CEMIP: variants seen among roughly 807,000 people sequenced by gnomAD.
CEMIP encodes cell migration-inducing and hyaluronan-binding protein.
In CEMIP, 105 loss-of-function variants were observed where a neutral mutation model predicts 156.9. That is an observed-to-expected ratio of 0.67 (90% CI 0.57 to 0.79). The LOEUF (loss-of-function observed/expected upper bound fraction) is 0.79. CEMIP is among the 30% of genes least tolerant of loss of function. The pLI is 0.00. For missense variants in CEMIP, 1,457 were observed against 1,769.4 expected (o/e 0.82, Z 3.17); for synonymous variants, 676 against 668.4 (o/e 1.01, Z -0.17).
intron 3 of CEMIP, among the ~76,000 whole-genome samples, chr15:80,875,588 G>A (rs1490002282): frequency 6.6e-6 from 1 of 152,096 alleles, no homozygotes; most frequent in Non-Finnish European, 1.5e-5. Context: ...TCAGCTATGT[G>A]GAAAGGGGCT....
chr15:80,832,326 G>C (rs866358927), intron 1 of CEMIP, among the ~76,000 whole-genome samples: 3 of 142,102 alleles, frequency 2.1e-5, no homozygotes, highest in Non-Finnish European at 4.5e-5. Context: ...TAAACTCTGT[G>C]TGTGTGTGTG....
intron 28 of CEMIP, among the ~76,000 whole-genome samples, chr15:80,945,599 C>G (rs1231522128): frequency 6.6e-6 from 1 of 152,232 alleles, no homozygotes; most frequent in Non-Finnish European, 1.5e-5. Context: ...CCCTTCCCAT[C>G]TATCCTTATT....
chr15:80,800,761 C>T (rs1896355776), intron 1 of CEMIP, among the ~76,000 whole-genome samples: 1 of 152,188 alleles, frequency 6.6e-6, no homozygotes, highest in African/African-American at 2.4e-5. Context: ...CTCGCCATCT[C>T]TGTTCATATT....
chr15:80,832,572 T>C (rs754063825), intron 1 of CEMIP, among the ~76,000 whole-genome samples: 29 of 152,264 alleles, frequency 1.9e-4, no homozygotes, highest in Middle Eastern at 3.4e-3. Flanking sequence ...CACTCATACA[T>C]GTCAGGATTT....
intron 13 of CEMIP, 78 bp from the exon 14 acceptor site, chr15:80,909,019 C>T (rs940293426): frequency 3.8e-5 from 51 of 1,357,430 alleles, no homozygotes; most frequent in Non-Finnish European, 4.8e-5. Context: ...GCCTCTGCAT[C>T]TTTGGAATAT....
chr15:80,790,179 A>G (rs1404193333), intron 1 of CEMIP, among the ~76,000 whole-genome samples: 1 of 152,158 alleles, frequency 6.6e-6, no homozygotes, highest in Non-Finnish European at 1.5e-5. Context: ...GAGACTTTTC[A>G]TGTTCTGTTT....
chr15:80,926,651 G>C (rs959891962), intron 19 of CEMIP, among the ~76,000 whole-genome samples: 11 of 152,030 alleles, frequency 7.2e-5, no homozygotes, highest in Non-Finnish European at 1.5e-4. Flanking sequence ...TGGAGCCCCA[G>C]GAAGATGCTT....
chr15:80,855,623 G>A (rs955078059), intron 1 of CEMIP, among the ~76,000 whole-genome samples: 4 of 151,932 alleles, frequency 2.6e-5, no homozygotes, highest in African/African-American at 9.7e-5. Flanking sequence ...CTGCCTCCTG[G>A]GTTCAGCTCC....
chr15:80,881,273 A>T (rs1898649663), intron 6 of CEMIP, 137 bp downstream of exon 6: 2 of 811,148 alleles, frequency 2.5e-6, no homozygotes, highest in African/African-American at 3.3e-5. Context: ...GCCTTCAAGG[A>T]GTTCTGTCCT....
Position 80,894,648 on chromosome 15 carries a change from C to G in CEMIP, c.1087-342C>G, listed in dbSNP as rs573968850. Among the ~76,000 whole-genome samples the G allele has an allele frequency of 2.0e-5, 3 of 152,212 alleles. No individual in the cohort carries two copies. In the East Asian group the frequency reaches 5.8e-4, roughly 29 times the overall value. Reference sequence around the variant, plus strand: ...GTTCATGGTGCTGGTAGTGGTGGTGCAAATTGTAAAAAGTGGCCAGCCCAG... The same window carrying G: ...GTTCATGGTGCTGGTAGTGGTGGTGGAAATTGTAAAAAGTGGCCAGCCCAG... On this transcript the variant is annotated intron_variant, in intron 10 of 29. Transcript: ENST00000394685.
At position 80,948,782 on chromosome 15, in the gene CEMIP, A is replaced by C; in HGVS notation, c.3959-15A>C. On this transcript the variant is annotated splice_polypyrimidine_tract_variant and intron_variant, in intron 29 of 29. Coordinates refer to ENST00000394685, the MANE Select transcript of CEMIP (RefSeq NM_001293298.2). Reference sequence around the variant, plus strand: ...CATAGGGCTTTTGCTCAGGAGACTCATCATTGCTTTTCAGAGCAAATGGCA... The same window carrying C: ...CATAGGGCTTTTGCTCAGGAGACTCCTCATTGCTTTTCAGAGCAAATGGCA... 1 of 1,614,024 alleles carries C rather than the reference A, an allele frequency of 6.2e-7. No individual in the cohort carries two copies. Among genetic ancestry groups the C allele is most frequent in the Non-Finnish European group, 8.5e-7 (1 of 1,180,004 alleles).
chr15:80,888,623 G>A, intron 8 of CEMIP, 78 bp from the exon 9 acceptor site: 1 of 1,120,232 alleles, frequency 8.9e-7, no homozygotes. Flanking sequence ...TGCGTAGGGG[G>A]GTTTCCTTGC....
rs372489420 is a variant in CEMIP, at chr15:80,879,816, C to A, written c.342C>A (p.Cys114Ter). Residue 114 changes from cysteine to a stop codon, truncating the protein, a stop_gained, in exon 5 of 30, where the codon TGC becomes TGA. Coordinates refer to ENST00000394685, the MANE Select transcript of CEMIP (RefSeq NM_001293298.2). LOFTEE classifies it high-confidence loss of function. ...AGCTGCATGCTGGGAGTGCCCTCTG[C>A]CCTTTCCAGGGCAATTTCACCATCA... ...GGELHAGSAL[C>*]PFQGNFTIIL... The A allele has an allele frequency of 1.2e-6, 2 of 1,614,066 alleles. No individual in the cohort carries two copies. The highest frequency in any genetic ancestry group is 2.7e-5 in the African/African-American group (2 of 74,924).
intron 1 of CEMIP, among the ~76,000 whole-genome samples, chr15:80,790,947 G>A (rs1896065777): frequency 6.6e-6 from 1 of 152,148 alleles, no homozygotes; most frequent in African/African-American, 2.4e-5. Flanking sequence ...AAGCAATATG[G>A]AAGCACTACA....
intron 14 of CEMIP, among the ~76,000 whole-genome samples, chr15:80,913,684 C>T (rs1900151993): frequency 6.6e-6 from 1 of 152,248 alleles, no homozygotes; most frequent in Non-Finnish European, 1.5e-5. Flanking sequence ...AATAGTATCA[C>T]TGTGTGCCTC....
rs754227341 is a variant in CEMIP, at chr15:80,921,084, G to A, written c.2056G>A (p.Ala686Thr). The A allele has an allele frequency of 1.9e-6, 3 of 1,614,158 alleles. No homozygotes were observed. Among genetic ancestry groups the A allele is most frequent in the East Asian group, 4.5e-5 (2 of 44,882 alleles). ...TCCCAACAACAACCTCATCAACTGT[G>A]CCGCTGCAGGATCTGAGGTGAGCAG... ...ANPNNNLINC[A>T]AAGSEETGFW... The change falls in exon 16 of 30, where the codon GCC (alanine) becomes ACC (threonine). Residue 686 changes from alanine (A) to threonine (T), a missense_variant. Transcript: ENST00000394685.
At position 80,894,417 on chromosome 15, in the gene CEMIP, G is replaced by C. The variant is rs1318257260; in HGVS notation, c.1087-573G>C. Among the ~76,000 whole-genome samples the C allele has an allele frequency of 6.6e-5, 10 of 152,272 alleles. No individual in the cohort carries two copies. The East Asian group carries it at 1.9e-3, about 29-fold the overall frequency. ...TAGTTTTGCTATGAAGATGAAATGA[G>C]ATAATATAGGTAAACATCTAGCTTT... is the stretch of plus-strand genomic sequence containing the variant. On this transcript the variant is annotated intron_variant, in intron 10 of 29. Coordinates refer to ENST00000394685, the MANE Select transcript of CEMIP (RefSeq NM_001293298.2).
intron 1 of CEMIP, among the ~76,000 whole-genome samples, chr15:80,840,314 G>A (rs574139318): frequency 9.9e-5 from 15 of 152,258 alleles, no homozygotes; most frequent in South Asian, 8.3e-4. Flanking sequence ...GGGTGGGGAC[G>A]AGTCATTCAT....
chr15:80,884,420 A>G (rs1898766342), intron 7 of CEMIP, 66 bp downstream of exon 7: 1 of 1,540,272 alleles, frequency 6.5e-7, no homozygotes, highest in African/African-American at 1.4e-5. Flanking sequence ...CCCACTGAGA[A>G]TTTACCTTTC....
Sources: gnomAD v4.1 joint callset for allele counts (sites outside exome capture counted in the v4.1 genomes callset) on GRCh38, gnomAD v4.1.1 for gene constraint, MANE v1.5 for transcripts, NCBI Gene and HGNC (gene_info 2026-07-23, HGNC 2026-07-21) for gene names.